SFI1: variants seen among roughly 807,000 people sequenced by gnomAD.
SFI1 encodes protein SFI1 homolog.
A neutral mutation model predicts 207.5 loss-of-function variants in SFI1; 195 were observed. The observed-to-expected ratio is 0.94, with a 90% CI of 0.84 to 1.06. The LOEUF is 1.06. Ranked by LOEUF, SFI1 falls within the 50% of genes least tolerant of loss-of-function variation. The pLI is 0.00. For synonymous variants in SFI1, 630 were observed against 598.9 expected (o/e 1.05, Z -0.76); for missense variants, 1,634 against 1,588.0 (o/e 1.03, Z -0.49).
chr22:31,546,755 C>T (rs931093695), intron 4 of SFI1, 106 bp from the exon 5 acceptor site: 7 of 665,648 alleles, frequency 1.1e-5, no homozygotes, highest in Non-Finnish European at 1.6e-5. Context: ...GTGTGAGCCA[C>T]CACGCCCGGC....
At chr22:31,531,779 G>A (rs892060415) in intron 4 of SFI1, among the ~76,000 whole-genome samples, 5 of 152,224 alleles carry the variant, frequency 3.3e-5, no homozygotes, top group African/African-American at 9.6e-5. Flanking sequence ...TGTAATCCCA[G>A]CTACTTGGGA....
intron 1 of SFI1, among the ~76,000 whole-genome samples, chr22:31,499,747 G>A (rs562089996): frequency 1.3e-5 from 2 of 152,168 alleles, no homozygotes; most frequent in African/African-American, 4.8e-5. Context: ...ATAGCACTTT[G>A]GGAGGCTGAG....
At chr22:31,525,475 C>T (rs926415954) in intron 2 of SFI1, among the ~76,000 whole-genome samples, 4 of 152,226 alleles carry the variant, frequency 2.6e-5, no homozygotes, top group African/African-American at 9.6e-5. Flanking sequence ...CACCTGTAGT[C>T]TCAGCACTTT....
chr22:31,583,044 C>T (rs2064549114), intron 12 of SFI1, among the ~76,000 whole-genome samples: 1 of 152,158 alleles, frequency 6.6e-6, no homozygotes, highest in African/African-American at 2.4e-5. Flanking sequence ...CTGCCTCAAC[C>T]TCCTGAGGAG....
At chr22:31,553,001 A>G (rs2060766744) in intron 6 of SFI1, among the ~76,000 whole-genome samples, 2 of 151,870 alleles carry the variant, frequency 1.3e-5, no homozygotes, top group African/African-American at 2.4e-5. Context: ...GTGCTACCAC[A>G]CCTGGCTAAC....
chr22:31,604,188 A>G (rs2068574921), intron 18 of SFI1, 121 bp from the exon 19 acceptor site: 1 of 742,442 alleles, frequency 1.3e-6, no homozygotes, highest in East Asian at 2.7e-5. Flanking sequence ...ACGTATTTAT[A>G]GATGAGGCCA....
chr22:31,518,177 G>T (rs1281176080), intron 2 of SFI1, among the ~76,000 whole-genome samples: 1 of 152,102 alleles, frequency 6.6e-6, no homozygotes, highest in Non-Finnish European at 1.5e-5. Context: ...AGTAGAGATG[G>T]CATTTCACCA....
intron 2 of SFI1, among the ~76,000 whole-genome samples, chr22:31,516,767 C>T (rs2056572975): frequency 6.6e-6 from 1 of 151,848 alleles, no homozygotes; most frequent in African/African-American, 2.4e-5. Flanking sequence ...CCAGCCTGAC[C>T]AACATGGAGA....
intron 9 of SFI1, among the ~76,000 whole-genome samples, chr22:31,574,068 T>G (rs5753698): frequency 0.22 from 32,981 of 152,164 alleles, 4,553 homozygotes; most frequent in East Asian, 0.4. Flanking sequence ...CCAATTAGAT[T>G]CAGAAGTAAT....
chr22:31,614,158 A>T (rs2070924116), intron 27 of SFI1: 1 of 414,742 alleles, frequency 2.4e-6, no homozygotes, highest in Admixed American at 3.8e-5. Context: ...TCTTTTCCGG[A>T]GTCATACACG....
intron 31 of SFI1, among the ~76,000 whole-genome samples, chr22:31,617,720 C>CAAAA (rs200768810): frequency 7.8e-6 from 1 of 127,416 alleles, no homozygotes; most frequent in Non-Finnish European, 1.7e-5. Context: ...CACTCCATCT[C>CAAAA]AAAAAAAAAA....
chr22:31,498,698 C>T (rs918248840), intron 1 of SFI1, among the ~76,000 whole-genome samples: 2 of 151,580 alleles, frequency 1.3e-5, no homozygotes, highest in South Asian at 2.1e-4. Context: ...TGAGTCAGGC[C>T]GCCATGGATA....
In SFI1 at chr22:31,613,490, A is replaced by T; in HGVS notation, c.2702A>T (p.Lys901Met). 1 of 1,597,364 alleles carries T rather than the reference A, an allele frequency of 6.3e-7. No homozygotes were observed. Among genetic ancestry groups the T allele is most frequent in the Non-Finnish European group, 8.5e-7 (1 of 1,176,082 alleles). ...TRLLRFAASMKASRQQLQAQQ... is the reference protein window; with the variant it reads ...TRLLRFAASMMASRQQLQAQQ... The stretch of plus-strand genomic sequence containing the variant: ...CTCCTGCGCTTTGCAGCCAGCATGA[A>T]GGCCTCCCGGCAGCAGCTGCAGGCC... The change falls in exon 26 of 33, where the codon AAG becomes ATG. Residue 901 changes from lysine to methionine, a missense_variant. Coordinates refer to ENST00000400288, the MANE Select transcript of SFI1 (RefSeq NM_001007467.3).
chr22:31,550,301 G>A lies in SFI1; in HGVS notation c.497G>A (p.Arg166His), dbSNP rs201319945. The change falls in exon 6 of 33, where the codon CGT becomes CAT. Residue 166 changes from arginine to histidine, a missense_variant. By Grantham distance (29) the Arg-to-His change is conservative. Transcript: ENST00000400288. ...LMFQTWKTYV[R>H]QQQEMRNKYI... ...TTCCAGACGTGGAAGACCTATGTGC[G>A]TCAGCAGCAGGAGATGAGGAACAAG... The A allele has an allele frequency of 3.9e-5, 63 of 1,614,114 alleles. No homozygotes were observed. Among genetic ancestry groups the A allele is most frequent in the African/African-American group, 1.6e-4 (12 of 75,040 alleles).
chr22:31,575,378 C>T lies in SFI1; in HGVS notation c.1070C>T (p.Thr357Ile). The T allele has an allele frequency of 6.2e-7, 1 of 1,609,300 alleles. No individual in the cohort carries two copies. Among genetic ancestry groups the T allele is most frequent in the Non-Finnish European group, 8.5e-7 (1 of 1,178,084 alleles). ...AAGATGGCCCTGCGGCGCGCCTTTA[C>T]TCACTGGAAACACTGTATCCTTTCA... ...ARKMALRRAF[T>I]HWKHYMLLCA... Residue 357 changes from threonine to isoleucine, a missense_variant, in exon 10 of 33, where the codon ACT becomes ATT. Physicochemically the swap from Thr to Ile is moderately conservative, Grantham distance 89. Transcript: ENST00000400288.
chr22:31,602,104 C>G, intron 15 of SFI1, 108 bp from the exon 16 acceptor site: 1 of 943,790 alleles, frequency 1.1e-6, no homozygotes, highest in South Asian at 1.4e-5. Context: ...ACCTCTTATA[C>G]GATAGCATGG....
chr22:31,569,799 A>G (rs2062759101), intron 8 of SFI1, among the ~76,000 whole-genome samples: 1 of 151,996 alleles, frequency 6.6e-6, no homozygotes, highest in Admixed American at 6.6e-5. Flanking sequence ...AATACAAAAA[A>G]TTATCCTGTT....
intron 1 of SFI1, among the ~76,000 whole-genome samples, chr22:31,503,683 G>A (rs995893294): frequency 2.0e-5 from 3 of 148,226 alleles, no homozygotes; most frequent in Admixed American, 6.9e-5. Context: ...CGCCTCCTAG[G>A]TACAAGTGAT....
In SFI1 at chr22:31,568,372, C is replaced by CA. The variant is rs573751056; in HGVS notation, c.766-4679dup. ...TGAAATCCCGTCTCTACTAAACATA[C>CA]AAAAAAATTAGCCGGGCATGGTGGT... is the stretch of plus-strand genomic sequence containing the variant. On this transcript the variant is annotated intron_variant, in intron 8 of 32. Coordinates refer to ENST00000400288, the MANE Select transcript of SFI1 (RefSeq NM_001007467.3). 3.7e-3 allele frequency among the ~76,000 whole-genome samples: 561 copies of CA among 149,916 alleles called. 5 individuals carry two copies. The highest frequency in any genetic ancestry group is 5.1e-3 in the Non-Finnish European group (343 of 67,460).
Sources: allele counts gnomAD v4.1 joint callset (sites outside exome capture counted in the v4.1 genomes callset), GRCh38; gene constraint gnomAD v4.1.1; transcripts MANE v1.5; gene names NCBI Gene and HGNC (gene_info 2026-07-23, HGNC 2026-07-21).